ATG3: variants seen among roughly 807,000 people sequenced by gnomAD.
ATG3 encodes autophagy related 3.
A neutral mutation model predicts 50.7 loss-of-function variants in ATG3; 25 were observed. The observed-to-expected ratio is 0.49, with a 90% confidence interval of 0.36 to 0.69. The LOEUF (loss-of-function observed/expected upper bound fraction) is 0.69. Among genes scored for constraint, ATG3 ranks in the 30% least tolerant of loss-of-function variants. The pLI is 0.00. For synonymous variants in ATG3, 119 were observed against 125.5 expected (o/e 0.95, Z 0.34); for missense variants, 281 against 376.0 (o/e 0.75, Z 2.09).
At chr3:112,536,868 C>G in intron 9 of ATG3, 1 of 152,646 alleles carries the variant, frequency 6.6e-6, no homozygotes, top group Non-Finnish European at 1.2e-5. Flanking sequence ...TTGCAATGAG[C>G]TGAGATTGCG....
chr3:112,532,884 C>T, intron 11 of ATG3, 104 bp from the exon 12 acceptor site: 4 of 1,331,634 alleles, frequency 3.0e-6, no homozygotes, highest in Non-Finnish European at 3.8e-6. Flanking sequence ...CTCAAAAAAA[C>T]CCCACAAAAT....
intron 4 of ATG3, 83 bp from the exon 5 acceptor site, chr3:112,548,723 T>C (rs1326172699): frequency 8.5e-7 from 1 of 1,180,498 alleles, no homozygotes; most frequent in Non-Finnish European, 1.2e-6. Context: ...GCTTAGTCCA[T>C]AAAATAGGGT....
chr3:112,560,356 A>T (rs1389408062), intron 1 of ATG3, among the ~76,000 whole-genome samples: 1 of 152,254 alleles, frequency 6.6e-6, no homozygotes, highest in African/African-American at 2.4e-5. Flanking sequence ...GCAAAGCAAC[A>T]GTTGAAATTC....
intron 10 of ATG3, chr3:112,535,879 G>T (rs138804162): frequency 2.0e-5 from 3 of 152,118 alleles, no homozygotes; most frequent in Admixed American, 6.6e-5. Flanking sequence ...TGTTTTTTAA[G>T]AAAAATTCTG....
intron 5 of ATG3, among the ~76,000 whole-genome samples, chr3:112,546,267 G>A (rs1320034482): frequency 1.3e-5 from 2 of 152,210 alleles, no homozygotes; most frequent in African/African-American, 4.8e-5. Flanking sequence ...CCCAGAGGGT[G>A]TCTGAAAGCA....
chr3:112,537,622 TG>T (rs1322648444), intron 9 of ATG3, 112 bp downstream of exon 9: 6 of 768,294 alleles, frequency 7.8e-6, no homozygotes, highest in African/African-American at 3.6e-5. Context: ...GTAAAACAGA[TG>T]ATTTCCAAAA....
intron 2 of ATG3, among the ~76,000 whole-genome samples, chr3:112,554,648 T>C (rs186413006): frequency 1.3e-5 from 2 of 152,254 alleles, no homozygotes; most frequent in Admixed American, 6.5e-5. Flanking sequence ...GCCAAATTAC[T>C]TCTATTTTGC....
At chr3:112,558,286 A>G (rs1933741954) in intron 2 of ATG3, 90 bp downstream of exon 2, 1 of 907,850 alleles carries the variant, frequency 1.1e-6, no homozygotes. Flanking sequence ...TCAAAATTAA[A>G]GTTCAAGATG....
chr3:112,544,412 T>C (rs530423670), intron 5 of ATG3, among the ~76,000 whole-genome samples: 1 of 152,090 alleles, frequency 6.6e-6, no homozygotes, highest in African/African-American at 2.4e-5. Flanking sequence ...TCCCAATGCT[T>C]TGGGAAGCTG....
intron 10 of ATG3, 24 bp downstream of exon 10, chr3:112,536,451 A>G (rs771215874): frequency 1.4e-5 from 22 of 1,607,048 alleles, no homozygotes; most frequent in African/African-American, 5.4e-5. Flanking sequence ...ATCAAAAAAT[A>G]TATTTATCTC....
intron 3 of ATG3, among the ~76,000 whole-genome samples, chr3:112,552,034 G>A (rs1382314174): frequency 6.6e-6 from 1 of 152,104 alleles, no homozygotes; most frequent in Non-Finnish European, 1.5e-5. Flanking sequence ...TAAAATGCAG[G>A]AGAATACCAG....
rs2107363296 is a variant in ATG3, at chr3:112,532,650, T to G, written c.*49A>C. ...TCAATGGTCACATCTATGGGTTAAT[T>G]CTTTAAAAATCAGAACCAATAATTA... On this transcript the variant is annotated 3_prime_UTR_variant, in exon 12 of 12. Coordinates refer to ENST00000283290, the MANE Select transcript of ATG3 (RefSeq NM_022488.5). 7.1e-7 allele frequency: 1 copy of G among 1,409,098 alleles called. No homozygotes were observed. The highest frequency in any genetic ancestry group is 2.4e-5 in the East Asian group (1 of 41,076). 87.3% of individuals were successfully genotyped at this position (1,409,098 alleles called of 1,614,324 possible). A position where few individuals can be genotyped will look rare whatever the true frequency, so the allele number is the denominator to read the frequency against.
chr3:112,541,959 C>T, intron 6 of ATG3, 75 bp from the exon 7 acceptor site: 1 of 1,107,068 alleles, frequency 9.0e-7, no homozygotes, highest in Non-Finnish European at 1.3e-6. Flanking sequence ...TGTGCTAGCA[C>T]AGTGGTAACC....
chr3:112,553,422 A>T, intron 2 of ATG3, 93 bp from the exon 3 acceptor site: 3 of 971,474 alleles, frequency 3.1e-6, no homozygotes, highest in Non-Finnish European at 5.0e-6. Flanking sequence ...AACTGATGGC[A>T]CTAGGTAACA....
At chr3:112,538,222 C>A in intron 7 of ATG3, 42 bp from the exon 8 acceptor site, 1 of 1,467,218 alleles carries the variant, frequency 6.8e-7, no homozygotes, top group South Asian at 1.3e-5. Flanking sequence ...AGTTCAAGTT[C>A]AAGAAAATTC....
intron 3 of ATG3, among the ~76,000 whole-genome samples, chr3:112,551,523 T>C (rs1933529022): frequency 6.6e-6 from 1 of 152,164 alleles, no homozygotes; most frequent in Non-Finnish European, 1.5e-5. Context: ...TTTAAATCAC[T>C]CTAATTCATA....
chr3:112,538,328 G>A (rs768275158), intron 7 of ATG3, 148 bp from the exon 8 acceptor site: 1 of 612,110 alleles, frequency 1.6e-6, no homozygotes, highest in East Asian at 3.0e-5. Context: ...AGATATAAGT[G>A]AGCTAATTCT....
intron 4 of ATG3, among the ~76,000 whole-genome samples, chr3:112,549,796 AC>A (rs11361592): frequency 0.35 from 23,743 of 67,694 alleles, 4,483 homozygotes; most frequent in African/African-American, 0.58. Context: ...TCTCAAAACA[AC>A]CAAAAAAAAA....
chr3:112,557,375 C>G (rs1576729403), intron 2 of ATG3, among the ~76,000 whole-genome samples: 1 of 152,146 alleles, frequency 6.6e-6, no homozygotes, highest in Admixed American at 6.5e-5. Flanking sequence ...GTGGCTCAAG[C>G]CTGTAATCCC....
Sources: allele counts gnomAD v4.1 joint callset (sites outside exome capture counted in the v4.1 genomes callset), GRCh38; gene constraint gnomAD v4.1.1; transcripts MANE v1.5; gene names NCBI Gene and HGNC (gene_info 2026-07-23, HGNC 2026-07-21).